The following CCDC148 variants were observed in gnomAD, a reference collection of about 807,000 sequenced individuals.
CCDC148 encodes the protein coiled-coil domain containing 148, also known as coiled-coil domain-containing protein 148.
CCDC148 carries 89 observed loss-of-function variants against 85.7 expected under a neutral mutation model. The observed-to-expected ratio is 1.04, with a 90% CI of 0.87 to 1.24. The LOEUF (loss-of-function observed/expected upper bound fraction) is 1.24. Ranked by LOEUF, CCDC148 falls within the 50% of genes most tolerant of loss-of-function variation. The probability of loss-of-function intolerance (pLI) is 0.00; values close to 1 mark genes in which losing one functional copy is unlikely to be tolerated. For missense variants in CCDC148, 692 were observed against 671.7 expected, an observed-to-expected ratio of 1.03 and a Z score of -0.33; for synonymous variants, 230 against 213.9, an observed-to-expected ratio of 1.08 and a Z score of -0.66.
intron 10 of CCDC148, among the ~76,000 whole-genome samples, chr2:158,250,286 A>G (rs915503942): frequency 1.3e-5 from 2 of 152,050 alleles, no homozygotes; most frequent in Non-Finnish European, 2.9e-5. Flanking sequence ...TTAGTAAATG[A>G]AAAACAAAAC....
At chr2:158,340,218 G>T in intron 5 of CCDC148, 24 bp downstream of exon 5, 1 of 1,603,732 alleles carries the variant, frequency 6.2e-7, no homozygotes. Context: ...ATTACATTAT[G>T]GAAAATAAAG....
At chr2:158,391,375 C>T (rs551405743) in intron 1 of CCDC148, among the ~76,000 whole-genome samples, 115 of 152,264 alleles carry the variant, frequency 7.6e-4, no homozygotes, top group Middle Eastern at 3.4e-3. Flanking sequence ...AAGCTTATAA[C>T]TATCATAAAA....
intron 1 of CCDC148, among the ~76,000 whole-genome samples, chr2:158,391,896 G>T (rs1685324943): frequency 1.3e-5 from 2 of 152,070 alleles, no homozygotes; most frequent in Non-Finnish European, 2.9e-5. Flanking sequence ...TGGTGTGAGG[G>T]GATGAGACCT....
chr2:158,233,377 C>T (rs1035775100), intron 10 of CCDC148, among the ~76,000 whole-genome samples: 6 of 151,866 alleles, frequency 4.0e-5, no homozygotes, highest in African/African-American at 1.5e-4. Flanking sequence ...TATGACTCCT[C>T]TTTCTATATG....
intron 9 of CCDC148, among the ~76,000 whole-genome samples, chr2:158,306,954 G>A (rs1691720007): frequency 6.6e-6 from 1 of 150,412 alleles, no homozygotes. Flanking sequence ...GGGAGGCGCA[G>A]CTTGCAGTGA....
At chr2:158,298,705 C>T (rs986718648) in intron 9 of CCDC148, among the ~76,000 whole-genome samples, 33 of 152,118 alleles carry the variant, frequency 2.2e-4, no homozygotes, top group African/African-American at 7.5e-4. Context: ...TCTAGAATTT[C>T]TATTTGACCC....
chr2:158,365,816 A>G (rs1684175643), intron 1 of CCDC148, among the ~76,000 whole-genome samples: 1 of 152,166 alleles, frequency 6.6e-6, no homozygotes, highest in South Asian at 2.1e-4. Context: ...AAAAAAAAGG[A>G]AGAAAGCAAG....
At chr2:158,255,892 T>A (rs1051917736) in intron 9 of CCDC148, among the ~76,000 whole-genome samples, 1 of 151,762 alleles carries the variant, frequency 6.6e-6, no homozygotes, top group Non-Finnish European at 1.5e-5. Context: ...GGGTTGTCTT[T>A]GAATGAGACC....
At chr2:158,427,691 G>A (rs116340369) in intron 1 of CCDC148, among the ~76,000 whole-genome samples, 1,964 of 152,048 alleles carry the variant, frequency 0.013, 30 homozygotes, top group African/African-American at 0.045. Context: ...GCAACATGGC[G>A]AGACCCCATC....
intron 9 of CCDC148, among the ~76,000 whole-genome samples, chr2:158,281,899 T>A (rs1416391300): frequency 6.6e-6 from 1 of 151,902 alleles, no homozygotes. Context: ...GCAAACCGAA[T>A]CCAGCAGCAC....
chr2:158,282,099 A>C (rs1690345949), intron 9 of CCDC148, among the ~76,000 whole-genome samples: 1 of 151,620 alleles, frequency 6.6e-6, no homozygotes, highest in Non-Finnish European at 1.5e-5. Context: ...AAAAACTCTC[A>C]ATAAATTAGG....
intron 12 of CCDC148, chr2:158,177,924 C>T (rs1420507494): frequency 2.0e-5 from 3 of 152,010 alleles, no homozygotes; most frequent in Admixed American, 6.6e-5. Flanking sequence ...TAATATTGCC[C>T]ACGTCATAAA....
In CCDC148 at chr2:158,309,586, A is replaced by G. The variant is rs777545538; in HGVS notation, c.957T>C (p.Asn319=). 5 of 1,613,934 alleles carry G rather than the reference A, an allele frequency of 3.1e-6. No homozygotes were observed. The South Asian group carries it at 3.3e-5, about 11-fold the overall frequency. The change falls in exon 9 of 14, where the codon AAT becomes AAC. Residue 319 remains asparagine, a synonymous_variant. Transcript: ENST00000283233. ...DQYRFAIEQQ[N]ILISNWNKNK... is the part of the protein sequence containing the mutation. Reference sequence around the variant, plus strand: ...TTTTATTCCAATTTGATATCAGGATATTTTGCTGCTCTATAGCAAAGCGAT... The same window carrying G: ...TTTTATTCCAATTTGATATCAGGATGTTTTGCTGCTCTATAGCAAAGCGAT...
chr2:158,283,604 A>T (rs1690454133), intron 9 of CCDC148, among the ~76,000 whole-genome samples: 3 of 152,238 alleles, frequency 2.0e-5, no homozygotes, highest in Non-Finnish European at 4.4e-5. Flanking sequence ...TAGAATGGCA[A>T]TCATTAAAAA....
At chr2:158,212,828 A>G (rs1372945166) in intron 11 of CCDC148, among the ~76,000 whole-genome samples, 2 of 152,198 alleles carry the variant, frequency 1.3e-5, no homozygotes, top group African/African-American at 4.8e-5. Context: ...TTCCATGAAT[A>G]TAAGTTTCAC....
intron 10 of CCDC148, among the ~76,000 whole-genome samples, chr2:158,224,909 A>C (rs1470295011): frequency 1.3e-5 from 2 of 152,092 alleles, no homozygotes; most frequent in Admixed American, 6.6e-5. Flanking sequence ...CGAGCAAACT[A>C]ACCAGCTAAC....
At chr2:158,288,780 G>A (rs1439020085) in intron 9 of CCDC148, 1 of 402,858 alleles carries the variant, frequency 2.5e-6, no homozygotes, top group African/African-American at 2.1e-5. Flanking sequence ...TCACTCTACT[G>A]GTACCAATTT....
intron 9 of CCDC148, among the ~76,000 whole-genome samples, chr2:158,259,696 C>T (rs2105150573): frequency 6.6e-6 from 1 of 151,994 alleles, no homozygotes; most frequent in Middle Eastern, 3.4e-3. Context: ...TATTTGTATA[C>T]CACCTTGTCC....
At chr2:158,250,968 T>C (rs193160327) in intron 9 of CCDC148, 56 bp from the exon 10 acceptor site, 36 of 1,497,846 alleles carry the variant, frequency 2.4e-5, no homozygotes, top group Non-Finnish European at 3.0e-5. Flanking sequence ...AGTTATTTCA[T>C]AGGTCATAAT....
Sources: allele counts gnomAD v4.1 joint callset (sites outside exome capture counted in the v4.1 genomes callset), GRCh38; gene constraint gnomAD v4.1.1; transcripts MANE v1.5; gene names NCBI Gene and HGNC (gene_info 2026-07-23, HGNC 2026-07-21).